The following TPRG1 variants were observed in gnomAD, a reference collection of about 807,000 sequenced individuals.
TPRG1 encodes the protein tumor protein p63 regulated 1, also known as tumor protein p63-regulated gene 1 protein.
A neutral mutation model predicts 29.3 loss-of-function variants in TPRG1; 29 were observed. The ratio of observed to expected loss-of-function variants is 0.99; its 90% confidence interval spans 0.74 to 1.35. The LOEUF (loss-of-function observed/expected upper bound fraction) is 1.35, where lower values mean the gene tolerates loss of function less well. Ranked by LOEUF, TPRG1 falls within the 40% of genes most tolerant of loss-of-function variation. TPRG1 has a pLI of 0.00. For missense variants in TPRG1, 327 were observed against 335.0 expected, an observed-to-expected ratio of 0.98 and a Z score of 0.19; for synonymous variants, 130 against 116.8, an observed-to-expected ratio of 1.11 and a Z score of -0.73.
At chr3:189,245,147 C>G (rs1356285002) in intron 4 of TPRG1, among the ~76,000 whole-genome samples, 1 of 152,176 alleles carries the variant, frequency 6.6e-6, no homozygotes, top group Non-Finnish European at 1.5e-5. Flanking sequence ...GTCTTGAACT[C>G]TCGACCTCAG....
intron 4 of TPRG1, among the ~76,000 whole-genome samples, chr3:189,074,454 G>A (rs973261982): frequency 2.6e-5 from 4 of 151,612 alleles, no homozygotes; most frequent in South Asian, 2.1e-4. Flanking sequence ...ATCTGCCCGC[G>A]TCGGCCTCCC....
At chr3:189,175,429 G>A (rs535941745) in intron 1 of TPRG1, among the ~76,000 whole-genome samples, 1 of 152,338 alleles carries the variant, frequency 6.6e-6, no homozygotes, top group Non-Finnish European at 1.5e-5. Flanking sequence ...CCAGAAGTCT[G>A]GGTCTTCACC....
At chr3:189,174,277 G>C (rs1336628237) in intron 1 of TPRG1, among the ~76,000 whole-genome samples, 1 of 152,122 alleles carries the variant, frequency 6.6e-6, no homozygotes, top group Non-Finnish European at 1.5e-5. Flanking sequence ...TAGTTCCAAA[G>C]TATTTGATAT....
At chr3:189,112,460 T>C (rs1236723221) in intron 1 of TPRG1, among the ~76,000 whole-genome samples, 1 of 152,248 alleles carries the variant, frequency 6.6e-6, no homozygotes, top group Non-Finnish European at 1.5e-5. Flanking sequence ...CAAGCCTATG[T>C]CCTGAATGGT....
At chr3:189,166,266 A>G (rs974732821) in intron 5 of TPRG1, among the ~76,000 whole-genome samples, 1 of 152,298 alleles carries the variant, frequency 6.6e-6, no homozygotes, top group Non-Finnish European at 1.5e-5. Flanking sequence ...TATGGTCCAA[A>G]CTCAAGTTTT....
intron 5 of TPRG1, among the ~76,000 whole-genome samples, chr3:189,156,222 G>A (rs1461143545): frequency 1.3e-5 from 2 of 152,156 alleles, no homozygotes; most frequent in East Asian, 1.9e-4. Context: ...TGGCTTTGAC[G>A]AGTGAAGAAG....
At chr3:189,008,317 G>C (rs979065975) in intron 3 of TPRG1, among the ~76,000 whole-genome samples, 1 of 152,080 alleles carries the variant, frequency 6.6e-6, no homozygotes, top group Non-Finnish European at 1.5e-5. Flanking sequence ...TCACAAGTTT[G>C]GCTGCATATT....
intron 4 of TPRG1, 64 bp from the exon 5 acceptor site, chr3:189,310,322 C>T: frequency 7.4e-7 from 1 of 1,354,490 alleles, no homozygotes; most frequent in Non-Finnish European, 1.0e-6. Context: ...TGATGTATTA[C>T]ATTCTATTTT....
chr3:189,278,680 T>C (rs1277125834), intron 4 of TPRG1, among the ~76,000 whole-genome samples: 1 of 152,250 alleles, frequency 6.6e-6, no homozygotes, highest in East Asian at 1.9e-4. Context: ...ACATCTCCTA[T>C]GCTTCTGTGT....
chr3:189,199,206 A>C (rs1733049741), intron 1 of TPRG1, among the ~76,000 whole-genome samples: 1 of 152,230 alleles, frequency 6.6e-6, no homozygotes, highest in Admixed American at 6.5e-5. Flanking sequence ...CATGACCGTT[A>C]TCACAATCTT....
intron 1 of TPRG1, among the ~76,000 whole-genome samples, chr3:189,199,853 C>T (rs577761794): frequency 7.3e-4 from 111 of 152,138 alleles, no homozygotes; most frequent in African/African-American, 2.5e-3. Context: ...GCACTGCAGC[C>T]GGGGCAACAG....
intron 3 of TPRG1, among the ~76,000 whole-genome samples, chr3:189,133,525 A>T (rs1723349105): frequency 6.6e-6 from 1 of 152,094 alleles, no homozygotes; most frequent in South Asian, 2.1e-4. Context: ...TAGTTCTCAC[A>T]AGACCTGTTG....
At chr3:189,192,721 T>C (rs1281631505) in intron 1 of TPRG1, among the ~76,000 whole-genome samples, 1 of 152,204 alleles carries the variant, frequency 6.6e-6, no homozygotes, top group Admixed American at 6.5e-5. Flanking sequence ...TTTTCTGTCA[T>C]TATAAGGTTT....
intron 4 of TPRG1, among the ~76,000 whole-genome samples, chr3:189,034,578 G>A (rs1249264347): frequency 1.3e-5 from 2 of 152,088 alleles, no homozygotes; most frequent in African/African-American, 4.8e-5. Flanking sequence ...CAAATGAATA[G>A]CTGAGCTAGA....
chr3:189,112,869 G>A (rs938401624), intron 1 of TPRG1, among the ~76,000 whole-genome samples: 3 of 151,984 alleles, frequency 2.0e-5, no homozygotes, highest in South Asian at 4.2e-4. Context: ...GCTCTTTTTC[G>A]GTTCCATATG....
At chr3:189,226,797 C>CAAAAAAA (rs1175619202) in intron 3 of TPRG1, among the ~76,000 whole-genome samples, 4 of 81,604 alleles carry the variant, frequency 4.9e-5, no homozygotes, top group Admixed American at 2.7e-4. Context: ...GCAAGGCTGA[C>CAAAAAAA]AAAAAAAAAA....
At chr3:189,010,893 G>C (rs1399887232) in intron 3 of TPRG1, among the ~76,000 whole-genome samples, 2 of 152,008 alleles carry the variant, frequency 1.3e-5, no homozygotes, top group South Asian at 2.1e-4. Context: ...TATAGTTTTG[G>C]GTTTTACATT....
rs576696613 is a variant in TPRG1 at position 189,265,273 on chromosome 3, G to A, written c.479+26364G>A. Among the ~76,000 whole-genome samples, 63 of 152,282 alleles carry A rather than the reference G, an allele frequency of 4.1e-4. No homozygotes were observed. In the South Asian group the frequency reaches 0.012, roughly 30 times the overall value. ...CCCCTCTTCTGAAGAGTGGCATTGA[G>A]CTAGAGTCATCACATGATGGGCCTG... On this transcript the variant is annotated intron_variant, in intron 4 of 5. Coordinates refer to ENST00000345063, the MANE Select transcript of TPRG1 (RefSeq NM_198485.4).
At chr3:189,290,979 T>G (rs1021935062) in intron 4 of TPRG1, among the ~76,000 whole-genome samples, 1 of 152,176 alleles carries the variant, frequency 6.6e-6, no homozygotes, top group African/African-American at 2.4e-5. Context: ...CTCCACTCAC[T>G]GCAAGCTCCG....
Sources: gnomAD v4.1 joint callset for allele counts (sites outside exome capture counted in the v4.1 genomes callset) on GRCh38, gnomAD v4.1.1 for gene constraint, MANE v1.5 for transcripts, NCBI Gene and HGNC (gene_info 2026-07-23, HGNC 2026-07-21) for gene names.